CDH18: variants seen among roughly 807,000 people sequenced by gnomAD.
The protein encoded by CDH18 is cadherin 18, also known as cadherin-18.
Under a neutral mutation model 67.9 loss-of-function variants are expected in CDH18, and 31 were observed. The ratio of observed to expected loss-of-function variants is 0.46; its 90% CI spans 0.34 to 0.62. The LOEUF is 0.62. Among genes scored for constraint, CDH18 ranks in the 20% least tolerant of loss-of-function variants. The probability of loss-of-function intolerance (pLI) is 0.01; values close to 1 mark genes in which losing one functional copy is unlikely to be tolerated. For synonymous variants in CDH18, 362 were observed against 347.2 expected, an observed-to-expected ratio of 1.04 and a Z score of -0.48; for missense variants, 890 against 975.5, an observed-to-expected ratio of 0.91 and a Z score of 1.17.
intron 2 of CDH18, among the ~76,000 whole-genome samples, chr5:20,093,369 T>C (rs991480067): frequency 1.4e-5 from 2 of 147,232 alleles, no homozygotes; most frequent in Non-Finnish European, 3.0e-5. Flanking sequence ...TTTTTTTTTC[T>C]GTTCTAGTTA....
At chr5:19,602,118 G>T (rs1052016489) in intron 6 of CDH18, among the ~76,000 whole-genome samples, 1 of 151,986 alleles carries the variant, frequency 6.6e-6, no homozygotes, top group African/African-American at 2.4e-5. Context: ...GCAAGAAAAA[G>T]AAATTAAAAG....
chr5:20,468,351 A>C (rs984282263), intron 1 of CDH18, among the ~76,000 whole-genome samples: 1 of 152,134 alleles, frequency 6.6e-6, no homozygotes, highest in Non-Finnish European at 1.5e-5. Flanking sequence ...TTTAAAGTAC[A>C]TTCCTCCAGT....
intron 1 of CDH18, among the ~76,000 whole-genome samples, chr5:20,486,275 C>T (rs1753170461): frequency 6.6e-6 from 1 of 152,038 alleles, no homozygotes; most frequent in Admixed American, 6.6e-5. Flanking sequence ...GCAAAAGGAA[C>T]ATGGTATATT....
Position 19,623,645 on chromosome 5 carries a change from T to A in CDH18, c.644-11044A>T, listed in dbSNP as rs1270207226. On this transcript the variant is annotated intron_variant, in intron 5 of 12. Transcript: ENST00000382275. ...AGTTCAAAAGATGAGATGCTTTATG[T>A]AGATTTTTTTAGTCACAGTTACTAT... is the stretch of plus-strand genomic sequence containing the variant. 2.6e-5 allele frequency among the ~76,000 whole-genome samples: 4 copies of A among 152,012 alleles called. No homozygotes were observed. In the East Asian group the frequency reaches 7.7e-4, roughly 29 times the overall value.
At chr5:20,516,966 T>G (rs1755418581) in intron 1 of CDH18, among the ~76,000 whole-genome samples, 1 of 152,000 alleles carries the variant, frequency 6.6e-6, no homozygotes, top group Non-Finnish European at 1.5e-5. Flanking sequence ...ACTTAGATCT[T>G]GCATACAGTA....
intron 2 of CDH18, among the ~76,000 whole-genome samples, chr5:19,863,657 C>A (rs1785143043): frequency 6.6e-6 from 1 of 151,946 alleles, no homozygotes; most frequent in Non-Finnish European, 1.5e-5. Context: ...CCTTCTCTAT[C>A]CACCAATGCA....
rs78538454 is a variant in CDH18, at chr5:19,908,653, C to T, written c.-256-69411G>A. Among the ~76,000 whole-genome samples, 651 of 152,088 alleles carry T rather than the reference C, an allele frequency of 4.3e-3. 2 individuals carry two copies. The highest frequency in any genetic ancestry group is 0.015 in the African/African-American group (621 of 41,502). ...ACTATTCCTTATACAGTATATTATC[C>T]GTGCATACAAAATATGTTGAAAACA... On this transcript the variant is annotated intron_variant, in intron 2 of 12. Transcript: ENST00000382275.
At chr5:20,401,188 G>T (rs1283939607) in intron 1 of CDH18, among the ~76,000 whole-genome samples, 1 of 152,142 alleles carries the variant, frequency 6.6e-6, no homozygotes, top group Non-Finnish European at 1.5e-5. Flanking sequence ...AAAAAGACCA[G>T]ATTTGTAAGC....
chr5:20,236,584 A>C (rs1025248864), intron 2 of CDH18, among the ~76,000 whole-genome samples: 4 of 152,066 alleles, frequency 2.6e-5, no homozygotes, highest in Non-Finnish European at 5.9e-5. Flanking sequence ...TAATTTAAGA[A>C]TTTGGATTAA....
At chr5:19,731,089 T>C (rs1252475931) in intron 4 of CDH18, among the ~76,000 whole-genome samples, 2 of 152,134 alleles carry the variant, frequency 1.3e-5, no homozygotes, top group Admixed American at 1.3e-4. Flanking sequence ...AAATGCACAC[T>C]ACTCTAGTCC....
intron 1 of CDH18, among the ~76,000 whole-genome samples, chr5:20,381,189 T>C (rs567571438): frequency 6.6e-6 from 1 of 152,296 alleles, no homozygotes; most frequent in South Asian, 2.1e-4. Context: ...CCCGTCAGTA[T>C]CTTGATTTTA....
At chr5:20,193,585 C>T (rs1333151523) in intron 2 of CDH18, among the ~76,000 whole-genome samples, 1 of 152,056 alleles carries the variant, frequency 6.6e-6, no homozygotes. Context: ...CTTCCTACTC[C>T]CCAATTCATT....
chr5:19,506,319 A>G (rs1428959454), intron 10 of CDH18, among the ~76,000 whole-genome samples: 1 of 152,180 alleles, frequency 6.6e-6, no homozygotes, highest in Non-Finnish European at 1.5e-5. Flanking sequence ...ATATTGTGAA[A>G]ATGGCCATAC....
chr5:19,543,472 A>G (rs1486734063), intron 9 of CDH18, among the ~76,000 whole-genome samples: 2 of 152,144 alleles, frequency 1.3e-5, no homozygotes, highest in African/African-American at 4.8e-5. Flanking sequence ...TGACAAAATA[A>G]TCAATGTGCA....
chr5:19,910,633 A>G (rs1791027906), intron 2 of CDH18, among the ~76,000 whole-genome samples: 1 of 152,138 alleles, frequency 6.6e-6, no homozygotes, highest in Non-Finnish European at 1.5e-5. Context: ...GTACTCTAAG[A>G]ATTCATTGTA....
At chr5:20,205,069 A>T (rs1363094526) in intron 2 of CDH18, among the ~76,000 whole-genome samples, 1 of 152,004 alleles carries the variant, frequency 6.6e-6, no homozygotes, top group African/African-American at 2.4e-5. Flanking sequence ...TATCAATAAC[A>T]CTGAATATTG....
chr5:19,548,025 G>A (rs1240663231), intron 8 of CDH18, among the ~76,000 whole-genome samples: 2 of 152,016 alleles, frequency 1.3e-5, no homozygotes, highest in African/African-American at 4.8e-5. Flanking sequence ...AGTGACATGG[G>A]ACCATAAAAC....
rs1742459617 is a variant in CDH18, at chr5:20,365,682, T to G, written c.-579-110177A>C. Among the ~76,000 whole-genome samples, 3 of 152,256 alleles carry G rather than the reference T, an allele frequency of 2.0e-5. No homozygotes were observed. The South Asian group carries it at 6.2e-4, about 32-fold the overall frequency. ...AATTCCCCTATACCAGTTACAAAAT[T>G]TATAATCACTTCAGTATTGTTTCTA... is the stretch of plus-strand genomic sequence containing the variant. On this transcript the variant is annotated intron_variant, in intron 1 of 14. Transcript: ENST00000507958.
rs569618163 is a variant in CDH18, at chr5:20,224,257, A to G, written c.-518+31187T>C. On this transcript the variant is annotated intron_variant, in intron 2 of 14. Transcript: ENST00000507958. ...TCAAGTATTTAATCATCAAACAACCACAGGTATTTAACAGGCTCATATTTT... is the reference window on the plus strand; with the variant it reads ...TCAAGTATTTAATCATCAAACAACCGCAGGTATTTAACAGGCTCATATTTT... Among the ~76,000 whole-genome samples, 7 of 152,244 alleles carry G rather than the reference A, an allele frequency of 4.6e-5. No homozygotes were observed. In the East Asian group the frequency reaches 1.2e-3, roughly 25 times the overall value.
Sources: gnomAD v4.1 joint callset for allele counts (sites outside exome capture counted in the v4.1 genomes callset) on GRCh38, gnomAD v4.1.1 for gene constraint, MANE v1.5 for transcripts, NCBI Gene and HGNC (gene_info 2026-07-23, HGNC 2026-07-21) for gene names.